The following GALNT14 variants were observed in gnomAD, a reference collection of about 807,000 sequenced individuals.
GALNT14 encodes the protein UDP-GalNAc:polypeptide N-acetylgalactosaminyltransferase 14.
Under a neutral mutation model 77.5 loss-of-function variants are expected in GALNT14, and 60 were observed. The ratio of observed to expected loss-of-function variants is 0.77; its 90% CI spans 0.63 to 0.96. The LOEUF is 0.96. Among genes scored for constraint, GALNT14 ranks in the 40% least tolerant of loss-of-function variants. GALNT14 has a pLI of 0.00. For synonymous variants in GALNT14, 280 were observed against 281.7 expected (o/e 0.99, Z 0.06); for missense variants, 710 against 731.0 (o/e 0.97, Z 0.33).
the GALNT14 span, among the ~76,000 whole-genome samples, chr2:30,901,570 G>A: frequency 6.6e-6 from 1 of 151,078 alleles, no homozygotes; most frequent in Non-Finnish European, 1.5e-5. Flanking sequence ...GCTCATATAT[G>A]TGTGTATATA....
chr2:31,013,527 G>A (rs949617409), intron 1 of GALNT14, among the ~76,000 whole-genome samples: 1 of 152,154 alleles, frequency 6.6e-6, no homozygotes, highest in Non-Finnish European at 1.5e-5. Flanking sequence ...CAACACCCAC[G>A]GGGCTGAGTC....
At chr2:30,952,833 T>G (rs972107801) in intron 6 of GALNT14, among the ~76,000 whole-genome samples, 1 of 152,024 alleles carries the variant, frequency 6.6e-6, no homozygotes. Flanking sequence ...ATGTCTGCAA[T>G]GACCATGGGT....
chr2:30,944,489 TCCTGATGTCCAAGACC>T (rs879905460), intron 8 of GALNT14, among the ~76,000 whole-genome samples: 6 of 152,178 alleles, frequency 3.9e-5, no homozygotes, highest in Non-Finnish European at 8.8e-5. Flanking sequence ...CTGGGCTGAA[TCCTGATGTCCAAGACC>T]CTGGGACTTT....
intron 6 of GALNT14, among the ~76,000 whole-genome samples, chr2:30,950,041 G>A (rs1018290860): frequency 1.1e-4 from 17 of 152,076 alleles, no homozygotes; most frequent in East Asian, 1.9e-4. Context: ...CTGGGGACTC[G>A]GTTTTTCATC....
chr2:31,005,736 A>G (rs917695174), intron 1 of GALNT14, among the ~76,000 whole-genome samples: 1 of 152,196 alleles, frequency 6.6e-6, no homozygotes, highest in Admixed American at 6.5e-5. Flanking sequence ...GTCATTATCA[A>G]TGTGAATGCT....
intron 6 of GALNT14, among the ~76,000 whole-genome samples, chr2:30,953,729 C>T (rs959761172): frequency 1.3e-5 from 2 of 152,112 alleles, no homozygotes; most frequent in African/African-American, 4.8e-5. Context: ...ACCCAGCGGA[C>T]CTTACTAAGC....
intron 1 of GALNT14, among the ~76,000 whole-genome samples, chr2:30,997,831 C>A (rs988893063): frequency 4.6e-5 from 7 of 152,090 alleles, no homozygotes; most frequent in Non-Finnish European, 1.0e-4. Context: ...ATGGTGAGAA[C>A]ATTTAAAAGT....
chr2:31,119,660 A>T (rs1193660231), intron 1 of GALNT14, among the ~76,000 whole-genome samples: 1 of 152,112 alleles, frequency 6.6e-6, no homozygotes, highest in African/African-American at 2.4e-5. Context: ...AAAATTACAG[A>T]CTCCTTTTGA....
intron 1 of GALNT14, among the ~76,000 whole-genome samples, chr2:31,117,426 A>G (rs559087611): frequency 6.6e-6 from 1 of 152,362 alleles, no homozygotes; most frequent in Admixed American, 6.5e-5. Flanking sequence ...GGAATATTCA[A>G]AAATAGAGAG....
intron 1 of GALNT14, among the ~76,000 whole-genome samples, chr2:31,032,646 T>G (rs549504945): frequency 5.5e-4 from 83 of 152,228 alleles, no homozygotes; most frequent in African/African-American, 1.9e-3. Context: ...AGGGAAGCTG[T>G]TGAGATTATT....
intron 6 of GALNT14, among the ~76,000 whole-genome samples, chr2:30,953,735 T>G (rs1455324894): frequency 3.3e-5 from 5 of 152,212 alleles, no homozygotes; most frequent in Non-Finnish European, 7.3e-5. Context: ...CGGACCTTAC[T>G]AAGCAGGGTA....
intron 1 of GALNT14, among the ~76,000 whole-genome samples, chr2:31,073,732 T>C (rs1335241503): frequency 2.0e-5 from 3 of 152,128 alleles, no homozygotes; most frequent in African/African-American, 7.2e-5. Context: ...GGACTATACA[T>C]TTTATTGTAA....
rs969697000 is a variant in GALNT14 at position 30,966,879 on chromosome 2, T to C, written c.300-577A>G. 3.3e-5 allele frequency among the ~76,000 whole-genome samples: 5 copies of C among 152,226 alleles called. No individual in the cohort carries two copies. In the East Asian group the frequency reaches 9.6e-4, roughly 29 times the overall value. On this transcript the variant is annotated intron_variant, in intron 2 of 14. Coordinates refer to ENST00000349752, the MANE Select transcript of GALNT14 (RefSeq NM_024572.4). ...CATCTTGAAAAGGCATTCACTTCCA[T>C]GTATCCAGGATTATTTCCTATGACA...
chr2:30,955,657 G>C lies in GALNT14; in HGVS notation c.615C>G (p.Asn205Lys), dbSNP rs776934740. Reference protein sequence around the residue: ...LTFLDSHCEVNRDWLQPLLHR... With the variant: ...LTFLDSHCEVKRDWLQPLLHR... ...GCAACAGAGGCTGGAGCCAGTCCCT[G>C]TTCACCTCACAGTGGCTGTCGAGGA... Residue 205 changes from asparagine to lysine, a missense_variant, in exon 6 of 15, where the codon AAC becomes AAG. Transcript: ENST00000349752. The C allele has an allele frequency of 6.2e-7, 1 of 1,614,202 alleles. No individual in the cohort carries two copies. Among genetic ancestry groups the C allele is most frequent in the Non-Finnish European group, 8.5e-7 (1 of 1,180,044 alleles).
At chr2:30,953,029 C>G (rs1229282219) in intron 6 of GALNT14, among the ~76,000 whole-genome samples, 1 of 152,194 alleles carries the variant, frequency 6.6e-6, no homozygotes, top group Admixed American at 6.5e-5. Context: ...CCAACTCCCA[C>G]CAGTTTCTTC....
chr2:31,045,589 G>A (rs1384212188), intron 1 of GALNT14, among the ~76,000 whole-genome samples: 2 of 151,936 alleles, frequency 1.3e-5, no homozygotes, highest in African/African-American at 2.4e-5. Context: ...CAGCCTCCCA[G>A]GTAGCTAGGA....
At position 30,944,361 on chromosome 2, in the gene GALNT14, G is replaced by A. The variant is rs369970935; in HGVS notation, c.827+497C>T. 5.9e-5 allele frequency among the ~76,000 whole-genome samples: 9 copies of A among 152,344 alleles called. No homozygotes were observed. In the South Asian group the frequency reaches 1.7e-3, roughly 28 times the overall value. ...ACAAAGCCACCCACAGCCTGGCAAA[G>A]AGCCAGAGTTCATGCCACTGTCATC... On this transcript the variant is annotated intron_variant, in intron 8 of 14. Coordinates refer to ENST00000349752, the MANE Select transcript of GALNT14 (RefSeq NM_024572.4).
intron 1 of GALNT14, among the ~76,000 whole-genome samples, chr2:31,081,709 C>A (rs1352710959): frequency 6.6e-6 from 1 of 152,148 alleles, no homozygotes; most frequent in African/African-American, 2.4e-5. Context: ...CAAAATAAAT[C>A]ATAGCTTAAA....
At chr2:30,947,950 C>T (rs558682056) in intron 6 of GALNT14, among the ~76,000 whole-genome samples, 20 of 152,342 alleles carry the variant, frequency 1.3e-4, no homozygotes, top group Admixed American at 8.5e-4. Flanking sequence ...ACAGATGGTT[C>T]ATTCATAGTC....
Sources: gnomAD v4.1 joint callset for allele counts (sites outside exome capture counted in the v4.1 genomes callset) on GRCh38, gnomAD v4.1.1 for gene constraint, MANE v1.5 for transcripts, NCBI Gene and HGNC (gene_info 2026-07-23, HGNC 2026-07-21) for gene names.